RNF114: variants seen among roughly 807,000 people sequenced by gnomAD.
RNF114 encodes the protein ring finger protein 114.
A neutral mutation model predicts 28.4 loss-of-function variants in RNF114; 6 were observed. The ratio of observed to expected loss-of-function variants is 0.21; its 90% confidence interval spans 0.12 to 0.42. The LOEUF (loss-of-function observed/expected upper bound fraction) is 0.42, where lower values mean the gene tolerates loss of function less well. Among genes scored for constraint, RNF114 ranks in the 10% least tolerant of loss-of-function variants. The pLI, the probability that RNF114 is intolerant of heterozygous loss-of-function variation, is 1.00. For missense variants in RNF114, 249 were observed against 311.7 expected, an observed-to-expected ratio of 0.80 and a Z score of 1.51; for synonymous variants, 115 against 116.7, an observed-to-expected ratio of 0.99 and a Z score of 0.09.
At chr20:49,942,660 T>C (rs1475670668) in intron 2 of RNF114, among the ~76,000 whole-genome samples, 2 of 152,064 alleles carry the variant, frequency 1.3e-5, no homozygotes, top group Admixed American at 1.3e-4. Flanking sequence ...TCGGCTCTAC[T>C]GAAAATACAA....
chr20:49,938,774 G>C (rs550252215), intron 1 of RNF114, among the ~76,000 whole-genome samples: 5 of 152,240 alleles, frequency 3.3e-5, no homozygotes, highest in Non-Finnish European at 7.3e-5. Flanking sequence ...AGTGACTCGT[G>C]AACATTTGAT....
At chr20:49,947,782 T>TTTTTGTTTTTTTG (rs2090339247) in intron 4 of RNF114, among the ~76,000 whole-genome samples, 6 of 35,128 alleles carry the variant, frequency 1.7e-4, no homozygotes, top group African/African-American at 5.1e-4. Context: ...TTTTTTTTTT[T>TTTTTGTTTTTTTG]TTTTTTTTTT....
chr20:49,942,871 G>A (rs1447699847), intron 2 of RNF114, among the ~76,000 whole-genome samples: 1 of 152,128 alleles, frequency 6.6e-6, no homozygotes, highest in African/African-American at 2.4e-5. Flanking sequence ...AACATTTTCT[G>A]CCCTTTGACA....
chr20:49,952,249 G>A lies in RNF114; in HGVS notation c.*108G>A, dbSNP rs1400478911. On this transcript the variant is annotated 3_prime_UTR_variant, in exon 6 of 6. Coordinates refer to ENST00000244061, the MANE Select transcript of RNF114 (RefSeq NM_018683.4). Reference sequence around the variant, plus strand: ...ACCTGTTCAACAGACCTGAAAATGAGCCATGGCATTGGGACAGGGTCACTT... The same window carrying A: ...ACCTGTTCAACAGACCTGAAAATGAACCATGGCATTGGGACAGGGTCACTT... The A allele has an allele frequency of 2.5e-5, 25 of 1,009,066 alleles. No homozygotes were observed. The highest frequency in any genetic ancestry group is 3.6e-5 in the Non-Finnish European group (23 of 635,990). 62.5% of individuals were successfully genotyped at this position (1,009,066 alleles called of 1,614,324 possible).
Position 49,953,460 on chromosome 20 carries a change from GC to G in RNF114, c.*1320del, listed in dbSNP as rs1297691003. 1.3e-5 allele frequency: 2 copies of G among 152,188 alleles called. No individual in the cohort carries two copies. The highest frequency in any genetic ancestry group is 6.5e-5 in the Admixed American group (1 of 15,268). The allele number at this position is 152,188 out of a possible 1,614,324, so 9.4% of individuals were successfully genotyped here. A position where few individuals can be genotyped will look rare whatever the true frequency, so the allele number is the denominator to read the frequency against. On this transcript the variant is annotated 3_prime_UTR_variant, in exon 6 of 6. Coordinates refer to ENST00000244061, the MANE Select transcript of RNF114 (RefSeq NM_018683.4). ...TTTGATGTCATATGTCTCTGATGGG[GC>G]TGCAAGTGCTACCTCGCGCTTGTAC...
Position 49,953,821 on chromosome 20 carries a change from G to A in RNF114, c.*1680G>A, listed in dbSNP as rs1333803345. The A allele has an allele frequency of 6.6e-6, 1 of 152,096 alleles. No individual in the cohort carries two copies. Among genetic ancestry groups the A allele is most frequent in the East Asian group, 1.9e-4 (1 of 5,184 alleles). The allele number at this position is 152,096 out of a possible 1,614,324, so 9.4% of individuals were successfully genotyped here. A position where few individuals can be genotyped will look rare whatever the true frequency, so the allele number is the denominator to read the frequency against. On this transcript the variant is annotated 3_prime_UTR_variant, in exon 6 of 6. Coordinates refer to ENST00000244061, the MANE Select transcript of RNF114 (RefSeq NM_018683.4). ...TTCTAATAAGATGACTTTCCAGAAA[G>A]TGAGATTTGTTATGTTCTGGCTTTT...
At chr20:49,949,495 C>T (rs918022792) in intron 5 of RNF114, 140 bp downstream of exon 5, 37 of 697,842 alleles carry the variant, frequency 5.3e-5, no homozygotes, top group Non-Finnish European at 8.5e-5. Context: ...ATACTGGATA[C>T]AGTGATAAAG....
rs2090356682 is a variant in RNF114 at position 49,951,936 on chromosome 20, C to T, written c.622-140C>T. 38 of 627,424 alleles carry T rather than the reference C, an allele frequency of 6.1e-5. No homozygotes were observed. In the Middle Eastern group the frequency reaches 1.3e-3, roughly 22 times the overall value. The allele number at this position is 627,424 out of a possible 1,614,324, so 38.9% of individuals were successfully genotyped here. The stretch of plus-strand genomic sequence containing the variant: ...AATTTTCCCAAAGTTACATACCTAG[C>T]ATCACAAACAGTTGCACTGGGGATC... On this transcript the variant is annotated intron_variant, in intron 5 of 5. Coordinates refer to ENST00000244061, the MANE Select transcript of RNF114 (RefSeq NM_018683.4).
chr20:49,943,873 G>GATAGATAT (rs1555857476), intron 2 of RNF114: 1 of 122,136 alleles, frequency 8.2e-6, no homozygotes, highest in Non-Finnish European at 1.7e-5. Context: ...TACACACAGA[G>GATAGATAT]ATATATATAT....
In RNF114 at chr20:49,943,651, C is replaced by CTTTTTTTTTTTTTTTTTTTTTTTTTTTT. The variant is rs60425763; in HGVS notation, c.292-1706_292-1705insTTTTTTTTTTTTTTTTTTTTTTTTTTTT. 2.8e-5 allele frequency among the ~76,000 whole-genome samples: 2 copies of CTTTTTTTTTTTTTTTTTTTTTTTTTTTT among 72,122 alleles called. 1 individual carries two copies. 47.3% of individuals were successfully genotyped at this position (72,122 alleles called of 152,430 possible). On this transcript the variant is annotated intron_variant, in intron 2 of 5. Coordinates refer to ENST00000244061, the MANE Select transcript of RNF114 (RefSeq NM_018683.4). ...TTGAAATACAATTCCCTACTGTCTT[C>CTTTTTTTTTTTTTTTTTTTTTTTTTTTT]TTTTTTTTTTTTTTTTTTTTTTTTT...
chr20:49,943,589 T>C (rs1390936969), intron 2 of RNF114, among the ~76,000 whole-genome samples: 1 of 151,594 alleles, frequency 6.6e-6, no homozygotes, highest in Non-Finnish European at 1.5e-5. Context: ...GAGCATTTTT[T>C]TCCCCCTTTG....
chr20:49,939,694 A>G (rs146174955), intron 1 of RNF114, among the ~76,000 whole-genome samples: 1 of 151,650 alleles, frequency 6.6e-6, no homozygotes, highest in African/African-American at 2.4e-5. Flanking sequence ...GACCCTCACA[A>G]TCCTCTGCCT....
At chr20:49,943,759 C>T (rs1166304974) in intron 2 of RNF114, among the ~76,000 whole-genome samples, 1 of 142,778 alleles carries the variant, frequency 7.0e-6, no homozygotes, top group African/African-American at 2.6e-5. Context: ...GTTGGGTTCA[C>T]GCCATTCTCC....
At chr20:49,942,379 C>T (rs530878606) in intron 2 of RNF114, among the ~76,000 whole-genome samples, 20 of 152,322 alleles carry the variant, frequency 1.3e-4, no homozygotes, top group African/African-American at 4.6e-4. Context: ...ATAACTGCTA[C>T]TGGAAAGGAG....
rs1276052348 is a variant in RNF114 at position 49,941,596 on chromosome 20, C to T, written c.176C>T (p.Pro59Leu). The change falls in exon 2 of 6, where the codon CCG becomes CTG. Residue 59 changes from proline to leucine, a missense_variant. This residue lies in a region of RNF114 where 123 missense variants were observed against 106.4 expected (regional missense o/e 1.16). Transcript: ENST00000244061. ...GCATGCCTGCAGGAATGTCTGAAGC[C>T]GAAGAAGCCTGTCTGTGGGGTGTGT... ...CSACLQECLK[P>L]KKPVCGVCRS... 6 of 1,609,394 alleles carry T rather than the reference C, an allele frequency of 3.7e-6. No individual in the cohort carries two copies. Among genetic ancestry groups the T allele is most frequent in the African/African-American group, 2.7e-5 (2 of 74,824 alleles).
At chr20:49,944,456 T>G (rs1178079797) in intron 2 of RNF114, 2 of 152,236 alleles carry the variant, frequency 1.3e-5, no homozygotes, top group African/African-American at 2.4e-5. Flanking sequence ...CAGAAAATGT[T>G]TTTCTTTCCT....
chr20:49,941,237 C>G (rs1429943707), intron 1 of RNF114: 2 of 240,806 alleles, frequency 8.3e-6, no homozygotes, highest in African/African-American at 4.5e-5. Flanking sequence ...ACTACTCTCT[C>G]CATTTCACAA....
At chr20:49,941,437 C>A in intron 1 of RNF114, 124 bp from the exon 2 acceptor site, 1 of 1,069,492 alleles carries the variant, frequency 9.4e-7, no homozygotes, top group Non-Finnish European at 1.3e-6. Context: ...AGTATTTGAA[C>A]TGGGAGGAGA....
chr20:49,948,247 C>G (rs965577205), intron 4 of RNF114, among the ~76,000 whole-genome samples: 3 of 152,036 alleles, frequency 2.0e-5, no homozygotes, highest in Non-Finnish European at 4.4e-5. Flanking sequence ...CTTGTCAATC[C>G]CCTTTATCAC....
Sources: allele counts gnomAD v4.1 joint callset (sites outside exome capture counted in the v4.1 genomes callset), GRCh38; gene constraint gnomAD v4.1.1; regional missense constraint gnomAD v4.1.1; transcripts MANE v1.5; gene names NCBI Gene and HGNC (gene_info 2026-07-23, HGNC 2026-07-21).